The following PARD3B variants were observed in gnomAD, a reference collection of about 807,000 sequenced individuals.
PARD3B encodes the protein partitioning defective 3 homolog B.
In PARD3B, 103 loss-of-function variants were observed where a neutral mutation model predicts 130.2. That is an observed-to-expected ratio of 0.79 (90% CI 0.67 to 0.93). PARD3B has a LOEUF of 0.93. Ranked by LOEUF, PARD3B falls within the 40% of genes least tolerant of loss-of-function variation. The pLI is 0.00. For synonymous variants in PARD3B, 583 were observed against 553.2 expected (o/e 1.05, Z -0.76); for missense variants, 1,609 against 1,499.2 (o/e 1.07, Z -1.21).
rs1322252042 is a variant in PARD3B, at chr2:204,678,961, C to A, written c.121-7220C>A. 6.6e-6 allele frequency among the ~76,000 whole-genome samples: 1 copy of A among 152,122 alleles called. No homozygotes were observed. Among genetic ancestry groups the A allele is most frequent in the East Asian group, 1.9e-4 (1 of 5,192 alleles). ...TGCCTCTTTCTACTCACCACCCTTCCCCCTCACAAGGAGTAACCAGTCTCG... is the reference window on the plus strand; with the variant it reads ...TGCCTCTTTCTACTCACCACCCTTCACCCTCACAAGGAGTAACCAGTCTCG... On this transcript the variant is annotated intron_variant, in intron 1 of 22. Transcript: ENST00000406610. This position sits in a 1 kb window ranked among gnomAD's most constrained non-coding sequence, Gnocchi z 4.2.
At chr2:205,482,111 T>G (rs957792435) in intron 20 of PARD3B, among the ~76,000 whole-genome samples, 1 of 152,164 alleles carries the variant, frequency 6.6e-6, no homozygotes, top group Non-Finnish European at 1.5e-5. Context: ...CAAGTAAATA[T>G]ATGAAATGCG....
At chr2:205,338,140 G>A (rs1179676811) in intron 18 of PARD3B, among the ~76,000 whole-genome samples, 1 of 120,072 alleles carries the variant, frequency 8.3e-6, no homozygotes, top group Non-Finnish European at 1.6e-5. Context: ...GCAACAGAGT[G>A]AGACTCCATC....
chr2:205,032,507 G>C (rs1464382123), intron 3 of PARD3B, among the ~76,000 whole-genome samples: 1 of 152,090 alleles, frequency 6.6e-6, no homozygotes, highest in South Asian at 2.1e-4. Flanking sequence ...ACCACAGTTG[G>C]AAATGTTGGG....
intron 3 of PARD3B, among the ~76,000 whole-genome samples, chr2:205,016,574 G>A (rs930466349): frequency 2.0e-5 from 3 of 152,118 alleles, no homozygotes; most frequent in Non-Finnish European, 4.4e-5. Context: ...AACACATAAA[G>A]CAAATGAAAG....
At chr2:205,588,485 TG>T (rs1278609600) in intron 22 of PARD3B, among the ~76,000 whole-genome samples, 6 of 152,104 alleles carry the variant, frequency 3.9e-5, no homozygotes, top group Admixed American at 2.0e-4. Flanking sequence ...AGACAAGTAA[TG>T]TTTTTTTTTC....
chr2:205,085,682 A>T (rs1701700934), intron 4 of PARD3B, among the ~76,000 whole-genome samples: 1 of 151,998 alleles, frequency 6.6e-6, no homozygotes, highest in Non-Finnish European at 1.5e-5. Flanking sequence ...TTTTTATCTT[A>T]AAGTTAGCAT....
intron 2 of PARD3B, among the ~76,000 whole-genome samples, chr2:204,934,510 A>C (rs1425659611): frequency 1.3e-5 from 2 of 152,180 alleles, no homozygotes; most frequent in South Asian, 2.1e-4. Flanking sequence ...TTGATTACTC[A>C]ATTACACTCA....
chr2:205,346,972 CAGTG>C (rs2307703), intron 18 of PARD3B, among the ~76,000 whole-genome samples: 29,504 of 151,976 alleles, frequency 0.19, 3,664 homozygotes, highest in African/African-American at 0.36. Flanking sequence ...TGGCTGAACA[CAGTG>C]AGTACATTTC....
At chr2:204,915,686 A>T (rs11889611) in intron 2 of PARD3B, among the ~76,000 whole-genome samples, 305 of 152,260 alleles carry the variant, frequency 2.0e-3, no homozygotes, top group African/African-American at 6.7e-3. Flanking sequence ...ACATATCTGA[A>T]ACGATGCTAA....
chr2:204,588,778 A>T (rs2032946639), intron 1 of PARD3B, among the ~76,000 whole-genome samples: 1 of 152,184 alleles, frequency 6.6e-6, no homozygotes, highest in African/African-American at 2.4e-5. Context: ...TTTTTATTAG[A>T]ATCATAGCAT....
At chr2:205,252,675 A>G (rs2039899401) in intron 16 of PARD3B, among the ~76,000 whole-genome samples, 1 of 152,146 alleles carries the variant, frequency 6.6e-6, no homozygotes. Context: ...AAGTGACAAG[A>G]TACCAAGTTA....
intron 16 of PARD3B, among the ~76,000 whole-genome samples, chr2:205,277,167 A>G (rs1248284252): frequency 6.6e-6 from 1 of 152,242 alleles, no homozygotes; most frequent in Non-Finnish European, 1.5e-5. Context: ...CGTTGATAGA[A>G]AAGTGACCGT....
intron 18 of PARD3B, chr2:205,347,966 G>A (rs1273524951): frequency 1.3e-5 from 2 of 152,196 alleles, no homozygotes; most frequent in Non-Finnish European, 2.9e-5. Context: ...GGATTAGGCA[G>A]AGAGCCCTCA....
chr2:205,507,132 G>T (rs1482085575), intron 21 of PARD3B, among the ~76,000 whole-genome samples: 1 of 139,932 alleles, frequency 7.1e-6, no homozygotes. Context: ...CAGTAGCGCT[G>T]ATTGATTCAG....
intron 2 of PARD3B, among the ~76,000 whole-genome samples, chr2:204,807,817 A>T (rs552263030): frequency 1.3e-5 from 2 of 152,208 alleles, no homozygotes; most frequent in East Asian, 3.9e-4. Context: ...TGAGAGTACA[A>T]TGATGGCTAC....
At chr2:204,651,680 G>T (rs2035484194) in intron 1 of PARD3B, among the ~76,000 whole-genome samples, 1 of 152,174 alleles carries the variant, frequency 6.6e-6, no homozygotes, top group Admixed American at 6.5e-5. Context: ...GACTGTGTAT[G>T]GGGGCTCCAA....
intron 1 of PARD3B, among the ~76,000 whole-genome samples, chr2:204,563,217 G>GTGTCTCTCTCTCTCTCTC (rs2031435752): frequency 1.2e-5 from 1 of 86,598 alleles, no homozygotes; most frequent in Non-Finnish European, 2.2e-5. Context: ...TCTTCCCGCT[G>GTGTCTCTCTCTCTCTCTC]TCTCTCTCTC....
At chr2:204,707,937 C>A (rs2125292282) in intron 2 of PARD3B, among the ~76,000 whole-genome samples, 1 of 152,152 alleles carries the variant, frequency 6.6e-6, no homozygotes, top group South Asian at 2.1e-4. Flanking sequence ...GAGACCCTGG[C>A]ATGGGAGTCT....
chr2:205,040,589 G>A (rs1471296684), intron 3 of PARD3B, among the ~76,000 whole-genome samples: 2 of 152,118 alleles, frequency 1.3e-5, no homozygotes, highest in Non-Finnish European at 2.9e-5. Context: ...CCAAGATGCA[G>A]CCTATACTGT....
Sources: allele counts gnomAD v4.1 joint callset (sites outside exome capture counted in the v4.1 genomes callset), GRCh38; gene constraint gnomAD v4.1.1; non-coding constraint Gnocchi (gnomAD v3.1); transcripts MANE v1.5; gene names NCBI Gene and HGNC (gene_info 2026-07-23, HGNC 2026-07-21).